TBC1D16: variants seen among roughly 807,000 people sequenced by gnomAD.
The protein encoded by TBC1D16 is CTD-2529O21.1.
TBC1D16 carries 58 observed loss-of-function variants against 74.7 expected under a neutral mutation model. The ratio of observed to expected loss-of-function variants is 0.78; its 90% CI spans 0.63 to 0.97. TBC1D16 has a LOEUF of 0.97. Among genes scored for constraint, TBC1D16 ranks in the 50% least tolerant of loss-of-function variants. The pLI is 0.00. For missense variants in TBC1D16, 1,014 were observed against 1,079.5 expected, an observed-to-expected ratio of 0.94 and a Z score of 0.85; for synonymous variants, 493 against 474.7, an observed-to-expected ratio of 1.04 and a Z score of -0.50.
At chr17:80,034,412 G>A (rs1490555559) in intron 1 of TBC1D16, among the ~76,000 whole-genome samples, 2 of 152,026 alleles carry the variant, frequency 1.3e-5, no homozygotes, top group African/African-American at 4.8e-5. Flanking sequence ...ATATTGGCCA[G>A]GCTGGTCTCG....
chr17:80,032,809 C>A (rs2036819896), intron 1 of TBC1D16, among the ~76,000 whole-genome samples: 1 of 152,174 alleles, frequency 6.6e-6, no homozygotes, highest in Admixed American at 6.5e-5. Context: ...AGCCACCCGC[C>A]CCCGGTGCTT....
In TBC1D16 at chr17:80,004,195, C is replaced by T. The variant is rs539388427; in HGVS notation, c.779+5965G>A. Among the ~76,000 whole-genome samples, 7 of 152,358 alleles carry T rather than the reference C, an allele frequency of 4.6e-5. No individual in the cohort carries two copies. In the East Asian group the frequency reaches 1.2e-3, roughly 25 times the overall value. Reference sequence around the variant, plus strand: ...AGCCAGTGGCCGCAGTGCGGGACGGCGCAGACCTGGGTTCTGTCTGCCCTG... The same window carrying T: ...AGCCAGTGGCCGCAGTGCGGGACGGTGCAGACCTGGGTTCTGTCTGCCCTG... On this transcript the variant is annotated intron_variant, in intron 3 of 11. Transcript: ENST00000310924.
At chr17:79,957,579 T>A (rs1452841807) in intron 3 of TBC1D16, among the ~76,000 whole-genome samples, 1 of 152,114 alleles carries the variant, frequency 6.6e-6, no homozygotes, top group African/African-American at 2.4e-5. Flanking sequence ...GGAGAACTTT[T>A]AGGGCAGTGA....
intron 1 of TBC1D16, among the ~76,000 whole-genome samples, chr17:80,023,228 C>T (rs2036345406): frequency 6.7e-6 from 1 of 150,134 alleles, no homozygotes; most frequent in East Asian, 1.9e-4. Context: ...CAATAAAATA[C>T]GTTTTCAGAA....
In TBC1D16 at chr17:79,985,041, T is replaced by A. The variant is rs2144369624; in HGVS notation, c.779+25119A>T. ...CAGAAGCTTGAAAACAACAGAAATG[T>A]ATTGTCTGGCAGTTCTGGAGGTCAA... On this transcript the variant is annotated intron_variant, in intron 3 of 11. Coordinates refer to ENST00000310924, the MANE Select transcript of TBC1D16 (RefSeq NM_019020.4). The surrounding 1 kb of genome is among the most constrained non-coding windows in gnomAD (Gnocchi z 4.9). 6.6e-6 allele frequency among the ~76,000 whole-genome samples: 1 copy of A among 152,182 alleles called. No homozygotes were observed. Among genetic ancestry groups the A allele is most frequent in the African/African-American group, 2.4e-5 (1 of 41,522 alleles).
Position 80,031,183 on chromosome 17 carries a change from T to C in TBC1D16, c.-63+4612A>G, listed in dbSNP as rs1215513324. ...AGGACCCAGTCCCCGGGCAGCAGGC[T>C]TGGGGAAGGTAGCTCCTTCAGTCTC... On this transcript the variant is annotated intron_variant, in intron 1 of 11. Coordinates refer to ENST00000310924, the MANE Select transcript of TBC1D16 (RefSeq NM_019020.4). Among the ~76,000 whole-genome samples the C allele has an allele frequency of 3.9e-5, 6 of 152,178 alleles. No homozygotes were observed. The East Asian group carries it at 9.6e-4, about 24-fold the overall frequency.
At chr17:79,989,494 G>T (rs1187976880) in intron 3 of TBC1D16, among the ~76,000 whole-genome samples, 1 of 152,204 alleles carries the variant, frequency 6.6e-6, no homozygotes, top group Non-Finnish European at 1.5e-5. Flanking sequence ...AAAAGCCACG[G>T]TTCGCTTTGC....
At chr17:79,951,963 AAG>A (rs1247947612) in intron 4 of TBC1D16, 13 of 183,126 alleles carry the variant, frequency 7.1e-5, no homozygotes, top group Admixed American at 3.5e-4. Context: ...GCCATGTGCT[AAG>A]AGAACCTCCT....
At position 79,936,317 on chromosome 17, in the gene TBC1D16, G is replaced by A. The variant is rs1412556801; in HGVS notation, c.*4542C>T. The stretch of plus-strand genomic sequence containing the variant: ...GGTGTGCTGACTCCGAACCAAGGGA[G>A]AGCTCTCCGTCCTGAGCTCGCTGCC... On this transcript the variant is annotated 3_prime_UTR_variant, in exon 12 of 12. Coordinates refer to ENST00000310924, the MANE Select transcript of TBC1D16 (RefSeq NM_019020.4). 5 of 152,262 alleles carry A rather than the reference G, an allele frequency of 3.3e-5. No individual in the cohort carries two copies. Among genetic ancestry groups the A allele is most frequent in the Admixed American group, 2.6e-4 (4 of 15,280 alleles). The allele number at this position is 152,262 out of a possible 1,614,324, so 9.4% of individuals were successfully genotyped here.
In TBC1D16 at chr17:79,990,233, G is replaced by A. The variant is rs1038254668; in HGVS notation, c.779+19927C>T. ...TGAACTAGCCGCGTGGACAGCAGCC[G>A]TAGCCCTCACAAGGCGTGTGCGGTG... On this transcript the variant is annotated intron_variant, in intron 3 of 11. Coordinates refer to ENST00000310924, the MANE Select transcript of TBC1D16 (RefSeq NM_019020.4). The surrounding 1 kb of genome is among the most constrained non-coding windows in gnomAD (Gnocchi z 4.8). Among the ~76,000 whole-genome samples the A allele has an allele frequency of 3.9e-5, 6 of 152,212 alleles. No individual in the cohort carries two copies. The highest frequency in any genetic ancestry group is 2.1e-4 in the South Asian group (1 of 4,830).
rs983437111 is a variant in TBC1D16 at position 79,941,719 on chromosome 17, G to T, written c.2055+341C>A. Among the ~76,000 whole-genome samples the T allele has an allele frequency of 2.0e-5, 3 of 152,212 alleles. No homozygotes were observed. The South Asian group carries it at 6.2e-4, about 31-fold the overall frequency. On this transcript the variant is annotated intron_variant, in intron 11 of 11. Transcript: ENST00000310924. This position sits in a 1 kb window ranked among gnomAD's most constrained non-coding sequence, Gnocchi z 4.3. Reference sequence around the variant, plus strand: ...CTCCTTCTCAGTGTTCCCAGTTCTGGGTTGTAAGCGAGGTACCCCAGGGTA... The same window carrying T: ...CTCCTTCTCAGTGTTCCCAGTTCTGTGTTGTAAGCGAGGTACCCCAGGGTA...
Position 79,952,800 on chromosome 17 carries a change from G to A in TBC1D16, c.798C>T (p.Asp266=), listed in dbSNP as rs145328326. Residue 266 remains aspartate, a synonymous_variant, in exon 4 of 12, where the codon GAC becomes GAT. Transcript: ENST00000310924. The part of the protein sequence containing the change: ...ESDSSPPSSS[D]AGLRFPDSNG... The stretch of plus-strand genomic sequence containing the variant: ...TGCTGTCCGGGAACCGCAGGCCGGC[G>A]TCGGAGCTGGACGGGGGGCTGGTGG... 185 of 1,610,022 alleles carry A rather than the reference G, an allele frequency of 1.1e-4. No homozygotes were observed. Among genetic ancestry groups the A allele is most frequent in the Non-Finnish European group, 1.4e-4 (170 of 1,178,088 alleles).
rs2033358114 is a variant in TBC1D16 at position 79,956,820 on chromosome 17, CCAAGCA to C, written c.780-4008_780-4003del. Among the ~76,000 whole-genome samples, 1 of 152,184 alleles carries C rather than the reference CCAAGCA, an allele frequency of 6.6e-6. No individual in the cohort carries two copies. Among genetic ancestry groups the C allele is most frequent in the Admixed American group, 6.5e-5 (1 of 15,278 alleles). ...GTCGATGAGAACCCAGCTGTAGGTCCCAAGCACAGTGTCCTGAATTAATGAATCAAT... is the reference window on the plus strand; with the variant it reads ...GTCGATGAGAACCCAGCTGTAGGTCCCAGTGTCCTGAATTAATGAATCAAT... On this transcript the variant is annotated intron_variant, in intron 3 of 11. Transcript: ENST00000310924. This position sits in a 1 kb window ranked among gnomAD's most constrained non-coding sequence, Gnocchi z 4.0.
In TBC1D16 at chr17:79,988,156, G is replaced by A. The variant is rs1167135150; in HGVS notation, c.779+22004C>T. On this transcript the variant is annotated intron_variant, in intron 3 of 11. Transcript: ENST00000310924. The surrounding 1 kb of genome is among the most constrained non-coding windows in gnomAD (Gnocchi z 5.7). ...ATGATAGCACGTCCTGCCAGAAGCC[G>A]TTTTATTTACTAGTTTGGATGCTTC... 6.6e-5 allele frequency among the ~76,000 whole-genome samples: 10 copies of A among 152,186 alleles called. No individual in the cohort carries two copies. Among genetic ancestry groups the A allele is most frequent in the African/African-American group, 1.9e-4 (8 of 41,456 alleles).
At chr17:79,964,449 T>G (rs959129033) in intron 3 of TBC1D16, among the ~76,000 whole-genome samples, 1 of 152,234 alleles carries the variant, frequency 6.6e-6, no homozygotes, top group African/African-American at 2.4e-5. Flanking sequence ...GAGGTCCAGT[T>G]TATTTTTTTT....
intron 2 of TBC1D16, among the ~76,000 whole-genome samples, chr17:80,011,782 C>T (rs1598425426): frequency 6.6e-6 from 1 of 151,198 alleles, no homozygotes; most frequent in Non-Finnish European, 1.5e-5. Context: ...GCCGAGATTG[C>T]ACCACTGCAC....
intron 1 of TBC1D16, among the ~76,000 whole-genome samples, chr17:80,027,408 G>C (rs2036615636): frequency 1.3e-5 from 2 of 152,114 alleles, no homozygotes; most frequent in African/African-American, 4.8e-5. Context: ...ATCAGCCTGG[G>C]GGACATGGAG....
intron 3 of TBC1D16, among the ~76,000 whole-genome samples, chr17:79,962,220 T>C (rs1391302652): frequency 1.4e-4 from 19 of 139,124 alleles, no homozygotes; most frequent in Non-Finnish European, 1.2e-4. Flanking sequence ...TTTTTTTTTT[T>C]TTTTTTTTTG....
chr17:80,029,754 G>C (rs2036711361), intron 1 of TBC1D16, among the ~76,000 whole-genome samples: 1 of 152,116 alleles, frequency 6.6e-6, no homozygotes, highest in Non-Finnish European at 1.5e-5. Flanking sequence ...CGGCTGCTGT[G>C]ACAAATGACA....
Sources: allele counts gnomAD v4.1 joint callset (sites outside exome capture counted in the v4.1 genomes callset), GRCh38; gene constraint gnomAD v4.1.1; non-coding constraint Gnocchi (gnomAD v3.1); transcripts MANE v1.5; gene names NCBI Gene and HGNC (gene_info 2026-07-23, HGNC 2026-07-21).